The following ROR1 variants were observed in gnomAD, a reference collection of about 807,000 sequenced individuals.
ROR1 encodes the protein inactive tyrosine-protein kinase transmembrane receptor ROR1.
Under a neutral mutation model 78.8 loss-of-function variants are expected in ROR1, and 19 were observed. The observed-to-expected ratio is 0.24, with a 90% CI of 0.17 to 0.35. The LOEUF (loss-of-function observed/expected upper bound fraction) is 0.35, where lower values mean the gene tolerates loss of function less well. Ranked by LOEUF, ROR1 falls within the 10% of genes least tolerant of loss-of-function variation. The pLI, the probability that ROR1 is intolerant of heterozygous loss-of-function variation, is 1.00. For missense variants in ROR1, 917 were observed against 1,177.8 expected (o/e 0.78, Z 3.24); for synonymous variants, 386 against 433.6 (o/e 0.89, Z 1.36).
intron 7 of ROR1, among the ~76,000 whole-genome samples, chr1:64,153,772 A>G (rs916749556): frequency 6.6e-6 from 1 of 152,176 alleles, no homozygotes; most frequent in South Asian, 2.1e-4. Flanking sequence ...GAGTTATTCA[A>G]TGGGCATAGA....
intron 1 of ROR1, among the ~76,000 whole-genome samples, chr1:63,776,438 C>T (rs59012928): frequency 0.02 from 2,982 of 152,266 alleles, 105 homozygotes; most frequent in African/African-American, 0.068. Context: ...TTTAAGGGCT[C>T]ACAACTCTAA....
chr1:63,861,041 G>A (rs746288953), intron 1 of ROR1, among the ~76,000 whole-genome samples: 14 of 152,128 alleles, frequency 9.2e-5, no homozygotes, highest in Non-Finnish European at 1.6e-4. Flanking sequence ...GCCTGATGGA[G>A]TTTTGAGTGA....
At chr1:63,907,607 CTAAAG>C (rs1196072922) in intron 1 of ROR1, among the ~76,000 whole-genome samples, 1 of 152,178 alleles carries the variant, frequency 6.6e-6, no homozygotes. Context: ...CCTTCTACTT[CTAAAG>C]TTCACTGAGC....
chr1:63,995,245 A>G (rs1646327843), intron 1 of ROR1, among the ~76,000 whole-genome samples: 1 of 152,198 alleles, frequency 6.6e-6, no homozygotes. Flanking sequence ...AGATAATGAA[A>G]AAATACATAC....
rs1569848388 is a variant in ROR1, at chr1:63,874,035, T to C, written c.91+99527T>C. On this transcript the variant is annotated intron_variant, in intron 1 of 8. Transcript: ENST00000371079. Reference sequence around the variant, plus strand: ...TGGTCTCGTCGCTCAGAGAGAACCATGATGCTGATGCCAGTTTCTTGTTTA... The same window carrying C: ...TGGTCTCGTCGCTCAGAGAGAACCACGATGCTGATGCCAGTTTCTTGTTTA... Among the ~76,000 whole-genome samples the C allele has an allele frequency of 2.0e-5, 3 of 152,284 alleles. No individual in the cohort carries two copies. In the East Asian group the frequency reaches 5.8e-4, roughly 29 times the overall value.
At chr1:63,925,833 T>A (rs1192919931) in intron 1 of ROR1, among the ~76,000 whole-genome samples, 3 of 151,766 alleles carry the variant, frequency 2.0e-5, no homozygotes, top group Non-Finnish European at 4.4e-5. Context: ...TGTCTGTTCA[T>A]GTCCATCGCC....
intron 1 of ROR1, among the ~76,000 whole-genome samples, chr1:63,787,065 T>G (rs939255806): frequency 6.6e-6 from 1 of 152,208 alleles, no homozygotes; most frequent in Non-Finnish European, 1.5e-5. Flanking sequence ...TAGGGCCCTT[T>G]GCCTATCTTG....
chr1:64,077,926 T>C (rs1461368668), intron 4 of ROR1, among the ~76,000 whole-genome samples: 1 of 152,226 alleles, frequency 6.6e-6, no homozygotes, highest in Non-Finnish European at 1.5e-5. Flanking sequence ...ATGTGCTCAA[T>C]GTGATGCTCA....
At chr1:63,808,841 GTT>G (rs11408423) in intron 1 of ROR1, among the ~76,000 whole-genome samples, 1 of 145,540 alleles carries the variant, frequency 6.9e-6, no homozygotes. Context: ...TTTCATTTAT[GTT>G]TTTTTTTTTT....
intron 1 of ROR1, among the ~76,000 whole-genome samples, chr1:64,000,782 C>T (rs1282659317): frequency 6.6e-6 from 1 of 152,180 alleles, no homozygotes; most frequent in Admixed American, 6.5e-5. Context: ...ACCTTCCTGC[C>T]CTTTGGGATT....
At chr1:63,996,692 CT>C (rs1268451389) in intron 1 of ROR1, among the ~76,000 whole-genome samples, 6 of 152,036 alleles carry the variant, frequency 3.9e-5, no homozygotes, top group Admixed American at 2.0e-4. Context: ...GAAAATAGTT[CT>C]TTTTTTCCCC....
intron 1 of ROR1, among the ~76,000 whole-genome samples, chr1:63,824,350 A>G (rs1191914526): frequency 6.6e-6 from 1 of 152,246 alleles, no homozygotes; most frequent in Admixed American, 6.5e-5. Context: ...CTTTGTTCCA[A>G]TGAAAATTTA....
chr1:64,120,594 T>C (rs745880477), intron 4 of ROR1, among the ~76,000 whole-genome samples: 1 of 152,118 alleles, frequency 6.6e-6, no homozygotes, highest in African/African-American at 2.4e-5. Context: ...CACATTCAAA[T>C]GCTCAAAAGC....
intron 1 of ROR1, among the ~76,000 whole-genome samples, chr1:63,859,961 T>C (rs1645169873): frequency 6.6e-6 from 1 of 152,210 alleles, no homozygotes; most frequent in Admixed American, 6.5e-5. Flanking sequence ...TGTTAATATC[T>C]GTATTTTATA....
chr1:63,863,291 G>A (rs1387995204), intron 1 of ROR1, among the ~76,000 whole-genome samples: 1 of 152,212 alleles, frequency 6.6e-6, no homozygotes, highest in Non-Finnish European at 1.5e-5. Context: ...TGAGCTGGCA[G>A]GAAGGTGACA....
chr1:63,908,380 C>T (rs887913848), intron 1 of ROR1, among the ~76,000 whole-genome samples: 16 of 152,124 alleles, frequency 1.1e-4, no homozygotes, highest in Non-Finnish European at 1.9e-4. Context: ...TGATTCCCAA[C>T]ATCTTTTTAT....
chr1:64,151,748 G>T (rs1649630886), intron 7 of ROR1, among the ~76,000 whole-genome samples: 2 of 151,934 alleles, frequency 1.3e-5, no homozygotes, highest in African/African-American at 4.8e-5. Flanking sequence ...GCCGGGTGTG[G>T]TGGAGGGTGC....
chr1:63,946,011 T>C (rs768182471), intron 1 of ROR1, among the ~76,000 whole-genome samples: 7 of 152,174 alleles, frequency 4.6e-5, no homozygotes, highest in Non-Finnish European at 1.0e-4. Context: ...TCCTAGGCAA[T>C]TGTGCTATCA....
At chr1:64,165,063 G>A (rs916206378) in intron 8 of ROR1, among the ~76,000 whole-genome samples, 16 of 152,098 alleles carry the variant, frequency 1.1e-4, no homozygotes, top group East Asian at 1.9e-4. Flanking sequence ...TGCAGTGAAC[G>A]TATATGTGCA....
Sources: allele counts gnomAD v4.1 joint callset (sites outside exome capture counted in the v4.1 genomes callset), GRCh38; gene constraint gnomAD v4.1.1; transcripts MANE v1.5; gene names NCBI Gene and HGNC (gene_info 2026-07-23, HGNC 2026-07-21).